The following STARD13 variants were observed in gnomAD, a reference collection of about 807,000 sequenced individuals.
STARD13 encodes the protein StAR related lipid transfer domain containing 13, also known as stAR-related lipid transfer protein 13.
A neutral mutation model predicts 106.4 loss-of-function variants in STARD13; 62 were observed. The observed-to-expected ratio is 0.58, with a 90% confidence interval of 0.48 to 0.72. The LOEUF (loss-of-function observed/expected upper bound fraction) is 0.72, where lower values mean the gene tolerates loss of function less well. Ranked by LOEUF, STARD13 falls within the 30% of genes least tolerant of loss-of-function variation. The probability of loss-of-function intolerance (pLI) is 0.00; values close to 1 mark genes in which losing one functional copy is unlikely to be tolerated. For missense variants in STARD13, 1,387 were observed against 1,424.0 expected (o/e 0.97, Z 0.42); for synonymous variants, 565 against 553.0 (o/e 1.02, Z -0.31).
chr13:33,234,926 A>G (rs749574581), intron 1 of STARD13, among the ~76,000 whole-genome samples: 9 of 152,198 alleles, frequency 5.9e-5, no homozygotes, highest in Non-Finnish European at 1.3e-4. Flanking sequence ...ATTAGTGGTG[A>G]ATTTGTATGT....
the STARD13 span, among the ~76,000 whole-genome samples, chr13:33,465,443 C>T: frequency 6.6e-6 from 1 of 152,122 alleles, no homozygotes; most frequent in African/African-American, 2.4e-5. Flanking sequence ...ACCTCGTGAT[C>T]CACCTGCCTC....
the STARD13 span, among the ~76,000 whole-genome samples, chr13:33,599,176 T>G: frequency 6.6e-6 from 1 of 152,192 alleles, no homozygotes; most frequent in Non-Finnish European, 1.5e-5. Context: ...ATCCCCTCAT[T>G]AGTTTATTTG....
intron 1 of STARD13, among the ~76,000 whole-genome samples, chr13:33,258,235 C>G (rs1329428980): frequency 1.3e-5 from 2 of 152,160 alleles, no homozygotes; most frequent in Non-Finnish European, 2.9e-5. Flanking sequence ...CATCTTTTAT[C>G]TGGCGTAGTT....
chr13:33,142,207 AT>A, intron 4 of STARD13, 102 bp downstream of exon 4: 4 of 877,684 alleles, frequency 4.6e-6, no homozygotes, highest in South Asian at 2.9e-5. Flanking sequence ...TATTATTATT[AT>A]TTTTTTGTAG....
At chr13:33,657,778 C>T in the STARD13 span, among the ~76,000 whole-genome samples, 1 of 152,120 alleles carries the variant, frequency 6.6e-6, no homozygotes, top group Admixed American at 6.5e-5. Context: ...AATGTGAAGG[C>T]TTTTTTCAAC....
chr13:33,343,592 A>AAAC (rs1555264021), intron 1 of STARD13, among the ~76,000 whole-genome samples: 3 of 93,538 alleles, frequency 3.2e-5, no homozygotes, highest in Admixed American at 9.9e-5. Flanking sequence ...AAAAAAAAAA[A>AAAC]AAAAACAAAT....
At chr13:33,598,047 T>C in the STARD13 span, among the ~76,000 whole-genome samples, 1 of 152,194 alleles carries the variant, frequency 6.6e-6, no homozygotes, top group Non-Finnish European at 1.5e-5. Flanking sequence ...AATCATGTCA[T>C]CTTTGCCACC....
chr13:33,226,934 A>G (rs1234829739), intron 1 of STARD13, among the ~76,000 whole-genome samples: 7 of 152,150 alleles, frequency 4.6e-5, no homozygotes, highest in Admixed American at 2.0e-4. Flanking sequence ...ATCTTAACAC[A>G]TTTCTCTCCA....
the STARD13 span, among the ~76,000 whole-genome samples, chr13:33,628,148 AAC>A: frequency 0.22 from 29,311 of 133,222 alleles, 3,002 homozygotes; most frequent in East Asian, 0.32. Flanking sequence ...TCTCTTGTAA[AAC>A]ACACACACAC....
chr13:33,262,382 C>T (rs1049906215), intron 1 of STARD13, among the ~76,000 whole-genome samples: 3 of 152,274 alleles, frequency 2.0e-5, no homozygotes, highest in Non-Finnish European at 2.9e-5. Flanking sequence ...GGGGGGACCT[C>T]GCACAGAGGT....
the STARD13 span, among the ~76,000 whole-genome samples, chr13:33,546,524 A>G: frequency 6.6e-6 from 1 of 152,254 alleles, no homozygotes; most frequent in East Asian, 1.9e-4. Flanking sequence ...TAAATCTCAA[A>G]CTGCCTATAA....
chr13:33,201,069 AT>A (rs1886999330), intron 1 of STARD13, among the ~76,000 whole-genome samples: 2 of 150,878 alleles, frequency 1.3e-5, no homozygotes, highest in South Asian at 4.3e-4. Flanking sequence ...ACAAATAAAA[AT>A]AAAAATAAAA....
chr13:33,609,105 A>AAGAAAAAAAAAAG, the STARD13 span, among the ~76,000 whole-genome samples: 4 of 133,168 alleles, frequency 3.0e-5, no homozygotes, highest in African/African-American at 1.0e-4. Context: ...AAAAAAAAAA[A>AAGAAAAAAAAAAG]AAATATTGAT....
the STARD13 span, among the ~76,000 whole-genome samples, chr13:33,520,739 T>C: frequency 6.6e-6 from 1 of 152,044 alleles, no homozygotes; most frequent in African/African-American, 2.4e-5. Context: ...CAAGCAGGGA[T>C]CCCTGTGATT....
At position 33,122,044 on chromosome 13, in the gene STARD13, C is replaced by T. The variant is rs541808602; in HGVS notation, c.2083-3781G>A. Among the ~76,000 whole-genome samples the T allele has an allele frequency of 7.2e-5, 11 of 152,308 alleles. No individual in the cohort carries two copies. The East Asian group carries it at 1.7e-3, about 24-fold the overall frequency. ...TATTTTTAGTAGTGACAGGGTTTTACCATGTTGGCCAGGCTGGTCTAGAAC... is the reference window on the plus strand; with the variant it reads ...TATTTTTAGTAGTGACAGGGTTTTATCATGTTGGCCAGGCTGGTCTAGAAC... On this transcript the variant is annotated intron_variant, in intron 7 of 13. Coordinates refer to ENST00000336934, the MANE Select transcript of STARD13 (RefSeq NM_178006.4).
intron 1 of STARD13, among the ~76,000 whole-genome samples, chr13:33,329,533 CTCTT>C (rs2138554412): frequency 6.6e-6 from 1 of 152,168 alleles, no homozygotes; most frequent in East Asian, 1.9e-4. Flanking sequence ...TGCAGTATTT[CTCTT>C]TCTGTGTCTT....
At chr13:33,519,208 T>TTTCTCTC in the STARD13 span, among the ~76,000 whole-genome samples, 3,290 of 101,546 alleles carry the variant, frequency 0.032, 95 homozygotes, top group African/African-American at 0.049. Context: ...CTTGGTAATT[T>TTTCTCTC]TTTCTTTCTT....
intron 3 of STARD13, among the ~76,000 whole-genome samples, chr13:33,146,278 T>A (rs1016815708): frequency 1.3e-4 from 20 of 151,818 alleles, no homozygotes; most frequent in Admixed American, 1.1e-3. Flanking sequence ...GAGCCGAGAT[T>A]GCACCATTGC....
At chr13:33,656,566 T>C in the STARD13 span, among the ~76,000 whole-genome samples, 5 of 152,248 alleles carry the variant, frequency 3.3e-5, no homozygotes, top group Non-Finnish European at 5.9e-5. Context: ...TAGACATTAA[T>C]GGCAGCTTTA....
Sources: gnomAD v4.1 joint callset for allele counts (sites outside exome capture counted in the v4.1 genomes callset) on GRCh38, gnomAD v4.1.1 for gene constraint, MANE v1.5 for transcripts, NCBI Gene and HGNC (gene_info 2026-07-23, HGNC 2026-07-21) for gene names.